CSMD1: variants seen among roughly 807,000 people sequenced by gnomAD.
The protein encoded by CSMD1 is CUB and Sushi multiple domains 1, also known as CUB and sushi domain-containing protein 1.
A neutral mutation model predicts 417.5 loss-of-function variants in CSMD1; 213 were observed. That is an observed-to-expected ratio of 0.51 (90% CI 0.46 to 0.57). The LOEUF is 0.57. CSMD1 is among the 20% of genes least tolerant of loss of function. CSMD1 has a pLI of 0.00. For missense variants in CSMD1, 6,923 were observed against 4,529.7 expected, an observed-to-expected ratio of 1.53 and a Z score of -15.17; for synonymous variants, 2,862 against 1,736.8, an observed-to-expected ratio of 1.65 and a Z score of -16.11.
At chr8:3,457,182 C>T (rs1190868776) in intron 12 of CSMD1, among the ~76,000 whole-genome samples, 1 of 150,916 alleles carries the variant, frequency 6.6e-6, no homozygotes, top group Non-Finnish European at 1.5e-5. Flanking sequence ...CTGGACTCCT[C>T]ATCGTGGACT....
intron 3 of CSMD1, among the ~76,000 whole-genome samples, chr8:4,378,659 T>G (rs1005045764): frequency 1.8e-4 from 28 of 152,318 alleles, no homozygotes; most frequent in Admixed American, 1.8e-3. Flanking sequence ...AGCTGCTGGT[T>G]TAATCATCCC....
intron 3 of CSMD1, among the ~76,000 whole-genome samples, chr8:4,201,243 G>A (rs1440513109): frequency 5.3e-5 from 8 of 152,260 alleles, no homozygotes; most frequent in African/African-American, 1.9e-4. Flanking sequence ...ATGGTTGTAA[G>A]TAAAAAAATT....
intron 30 of CSMD1, among the ~76,000 whole-genome samples, chr8:3,208,620 A>C (rs1239395511): frequency 2.0e-5 from 3 of 152,106 alleles, no homozygotes; most frequent in African/African-American, 7.2e-5. Flanking sequence ...GAAGGATAGA[A>C]AGTATTGATC....
intron 2 of CSMD1, among the ~76,000 whole-genome samples, chr8:4,440,432 C>A (rs1437648288): frequency 1.3e-5 from 2 of 152,084 alleles, no homozygotes; most frequent in Non-Finnish European, 2.9e-5. Flanking sequence ...CCCTTTTCCC[C>A]CAGCACAAAA....
In CSMD1 at chr8:3,888,617, T is replaced by C. The variant is rs577747789; in HGVS notation, c.818+109286A>G. Among the ~76,000 whole-genome samples the C allele has an allele frequency of 2.0e-5, 3 of 152,242 alleles. No individual in the cohort carries two copies. The South Asian group carries it at 6.2e-4, about 32-fold the overall frequency. ...GCTGCATAATCTAACAAGATCTTTGTCATACAAGCAAGGTCAAGTGCTCTA... is the reference window on the plus strand; with the variant it reads ...GCTGCATAATCTAACAAGATCTTTGCCATACAAGCAAGGTCAAGTGCTCTA... On this transcript the variant is annotated intron_variant, in intron 5 of 69. Coordinates refer to ENST00000635120, the MANE Select transcript of CSMD1 (RefSeq NM_033225.6).
chr8:3,901,620 C>G (rs139675670), intron 5 of CSMD1, among the ~76,000 whole-genome samples: 3 of 152,306 alleles, frequency 2.0e-5, no homozygotes, highest in Admixed American at 2.0e-4. Context: ...TCTCTGAAAA[C>G]CACCGAAGTA....
chr8:4,083,301 G>A (rs538693896), intron 3 of CSMD1, among the ~76,000 whole-genome samples: 13 of 152,116 alleles, frequency 8.5e-5, no homozygotes, highest in Admixed American at 3.3e-4. Context: ...TTTAATGATC[G>A]CCATTCTAAC....
chr8:3,241,584 T>TTTTCAGTGGGGTCC (rs1799526854), intron 26 of CSMD1, among the ~76,000 whole-genome samples: 1 of 152,088 alleles, frequency 6.6e-6, no homozygotes, highest in East Asian at 1.9e-4. Flanking sequence ...AACAGTCTGA[T>TTTTCAGTGGGGTCC]TTTCAGTGGG....
At chr8:4,454,245 G>C (rs980478025) in intron 2 of CSMD1, among the ~76,000 whole-genome samples, 1 of 152,070 alleles carries the variant, frequency 6.6e-6, no homozygotes, top group African/African-American at 2.4e-5. Context: ...CCTCCTTACA[G>C]TGCTTACCGC....
intron 21 of CSMD1, among the ~76,000 whole-genome samples, chr8:3,356,412 C>T (rs549785601): frequency 1.3e-5 from 2 of 152,342 alleles, no homozygotes; most frequent in African/African-American, 4.8e-5. Flanking sequence ...CACTGTGGCT[C>T]ACGCCTGTAA....
rs114704480 is a variant in CSMD1, at chr8:3,898,264, A to G, written c.818+99639T>C. Reference sequence around the variant, plus strand: ...TAGCTCAGATAAAACTACTGCAAGAAGCATGAATACAACCAAAAAAAACCC... The same window carrying G: ...TAGCTCAGATAAAACTACTGCAAGAGGCATGAATACAACCAAAAAAAACCC... On this transcript the variant is annotated intron_variant, in intron 5 of 69. Transcript: ENST00000635120. Among the ~76,000 whole-genome samples the G allele has an allele frequency of 1.9e-3, 282 of 152,330 alleles. 3 individuals carry two copies. The highest frequency in any genetic ancestry group is 6.4e-3 in the African/African-American group (266 of 41,576).
intron 1 of CSMD1, among the ~76,000 whole-genome samples, chr8:4,756,411 G>A (rs1055763525): frequency 2.6e-5 from 4 of 152,148 alleles, no homozygotes; most frequent in African/African-American, 9.7e-5. Context: ...TTGAAGAACA[G>A]TGGTGAGTTC....
intron 3 of CSMD1, among the ~76,000 whole-genome samples, chr8:4,056,850 A>G (rs939006882): frequency 1.3e-5 from 2 of 152,172 alleles, no homozygotes; most frequent in African/African-American, 4.8e-5. Flanking sequence ...CCATGTCCCT[A>G]CAAAGGACAT....
At chr8:4,004,801 G>C (rs1178831669) in intron 4 of CSMD1, among the ~76,000 whole-genome samples, 1 of 152,124 alleles carries the variant, frequency 6.6e-6, no homozygotes, top group Non-Finnish European at 1.5e-5. Context: ...CTGGAGTGCA[G>C]TGGCGCGATC....
rs546389595 is a variant in CSMD1, at chr8:4,309,944, T to C, written c.415+110009A>G. Among the ~76,000 whole-genome samples the C allele has an allele frequency of 1.1e-3, 163 of 152,296 alleles. 1 individual carries two copies. Among genetic ancestry groups the C allele is most frequent in the African/African-American group, 3.8e-3 (160 of 41,562 alleles). Reference sequence around the variant, plus strand: ...AGCTCATTAGAAACATGATAGTCGATTATAGTTACCCCTATTTTTACATAG... The same window carrying C: ...AGCTCATTAGAAACATGATAGTCGACTATAGTTACCCCTATTTTTACATAG... On this transcript the variant is annotated intron_variant, in intron 3 of 69. Coordinates refer to ENST00000635120, the MANE Select transcript of CSMD1 (RefSeq NM_033225.6).
chr8:3,677,907 A>G (rs1799462178), intron 7 of CSMD1, among the ~76,000 whole-genome samples: 1 of 152,126 alleles, frequency 6.6e-6, no homozygotes, highest in Non-Finnish European at 1.5e-5. Flanking sequence ...ACCTCCCACT[A>G]ATAGAGCTGT....
chr8:4,748,316 C>T (rs773678623), intron 1 of CSMD1, among the ~76,000 whole-genome samples: 4 of 152,210 alleles, frequency 2.6e-5, no homozygotes, highest in Admixed American at 6.5e-5. Context: ...CAGAGTGCAC[C>T]ATCTGAGTTG....
At chr8:4,962,037 A>T (rs998249406) in intron 1 of CSMD1, among the ~76,000 whole-genome samples, 3 of 151,868 alleles carry the variant, frequency 2.0e-5, no homozygotes, top group African/African-American at 4.8e-5. Context: ...TAACTTTGGG[A>T]AGGTTTTTTT....
intron 10 of CSMD1, among the ~76,000 whole-genome samples, chr8:3,565,695 C>T (rs902635768): frequency 1.3e-5 from 2 of 152,162 alleles, no homozygotes; most frequent in African/African-American, 2.4e-5. Context: ...GATTTTCTTG[C>T]AAGCATTAAG....
Sources: allele counts gnomAD v4.1 joint callset (sites outside exome capture counted in the v4.1 genomes callset), GRCh38; gene constraint gnomAD v4.1.1; transcripts MANE v1.5; gene names NCBI Gene and HGNC (gene_info 2026-07-23, HGNC 2026-07-21).